Variants in TIAM2 observed in about 807,000 individuals in gnomAD.
The protein encoded by TIAM2 is rho guanine nucleotide exchange factor TIAM2.
In TIAM2, 80 loss-of-function variants were observed where a neutral mutation model predicts 152.9. That is an observed-to-expected ratio of 0.52 (90% confidence interval 0.44 to 0.63). The LOEUF (loss-of-function observed/expected upper bound fraction) is 0.63. TIAM2 is among the 30% of genes least tolerant of loss of function. The pLI is 0.00. For synonymous variants in TIAM2, 804 were observed against 838.0 expected, an observed-to-expected ratio of 0.96 and a Z score of 0.70; for missense variants, 1,965 against 2,120.1, an observed-to-expected ratio of 0.93 and a Z score of 1.44.
chr6:155,044,999 ATTTCTTTT>A (rs1468451693), intron 1 of TIAM2, among the ~76,000 whole-genome samples: 1 of 145,536 alleles, frequency 6.9e-6, no homozygotes, highest in Non-Finnish European at 1.5e-5. Context: ...TTTGTTTTAA[ATTTCTTTT>A]TTTCTTTTTC....
At chr6:155,128,785 G>T (rs1214600649) in intron 3 of TIAM2, among the ~76,000 whole-genome samples, 1 of 151,760 alleles carries the variant, frequency 6.6e-6, no homozygotes, top group Non-Finnish European at 1.5e-5. Flanking sequence ...AGGATCACTT[G>T]AGCCTAGGAA....
At chr6:155,089,218 C>T (rs762203537) in intron 1 of TIAM2, among the ~76,000 whole-genome samples, 88 of 131,560 alleles carry the variant, frequency 6.7e-4, no homozygotes, top group Non-Finnish European at 1.0e-3. Context: ...TGTTTTTTTT[C>T]GGGGGGGTGG....
chr6:155,080,966 G>C (rs1193758258), intron 1 of TIAM2, among the ~76,000 whole-genome samples: 1 of 152,142 alleles, frequency 6.6e-6, no homozygotes, highest in Non-Finnish European at 1.5e-5. Context: ...GGAGAGGTCT[G>C]TAGCACTCAC....
At chr6:155,061,207 GTCTA>G (rs1454851524) in intron 1 of TIAM2, among the ~76,000 whole-genome samples, 3 of 152,246 alleles carry the variant, frequency 2.0e-5, no homozygotes, top group African/African-American at 4.8e-5. Flanking sequence ...ATATCTGTGT[GTCTA>G]TCTCTCAATC....
chr6:155,084,403 A>G (rs1778134782), intron 1 of TIAM2, among the ~76,000 whole-genome samples: 1 of 152,252 alleles, frequency 6.6e-6, no homozygotes, highest in Non-Finnish European at 1.5e-5. Context: ...ATTGAATGTC[A>G]TTAACTAAAA....
chr6:155,164,175 G>C (rs1455242619), intron 7 of TIAM2, among the ~76,000 whole-genome samples: 1 of 121,882 alleles, frequency 8.2e-6, no homozygotes, highest in African/African-American at 2.9e-5. Flanking sequence ...GAGTTTCACT[G>C]TGTTGGTCAG....
intron 1 of TIAM2, among the ~76,000 whole-genome samples, chr6:155,050,364 G>A (rs1194541688): frequency 1.3e-5 from 2 of 152,152 alleles, no homozygotes; most frequent in African/African-American, 4.8e-5. Flanking sequence ...TTTGGAGCTG[G>A]TGCTGGCCTA....
intron 15 of TIAM2, among the ~76,000 whole-genome samples, chr6:155,212,488 T>G (rs1781745294): frequency 6.6e-6 from 1 of 152,244 alleles, no homozygotes; most frequent in African/African-American, 2.4e-5. Context: ...GTCTTCTGTA[T>G]TTGTTTTTGT....
chr6:155,137,076 A>G, intron 4 of TIAM2, 101 bp from the exon 5 acceptor site: 2 of 1,249,144 alleles, frequency 1.6e-6, no homozygotes, highest in Non-Finnish European at 2.2e-6. Flanking sequence ...GCTTTGCATT[A>G]CATTATCAGC....
intron 1 of TIAM2, among the ~76,000 whole-genome samples, chr6:155,053,087 A>G (rs982365993): frequency 2.0e-4 from 31 of 152,244 alleles, no homozygotes; most frequent in African/African-American, 6.5e-4. Context: ...TTTTTATGAT[A>G]TAATAGGATA....
At position 155,173,203 on chromosome 6, in the gene TIAM2, C is replaced by G. The variant is rs1021762944; in HGVS notation, c.2362-3613C>G. Among the ~76,000 whole-genome samples, 29 of 138,802 alleles carry G rather than the reference C, an allele frequency of 2.1e-4. No homozygotes were observed. The South Asian group carries it at 4.4e-3, about 21-fold the overall frequency. The allele number at this position is 138,802 out of a possible 152,430, so 91.1% of individuals were successfully genotyped here. A position where few individuals can be genotyped will look rare whatever the true frequency, so the allele number is the denominator to read the frequency against. On this transcript the variant is annotated intron_variant, in intron 9 of 26. Coordinates refer to ENST00000682666, the MANE Select transcript of TIAM2 (RefSeq NM_012454.4). ...TGTGTGTGTGTGTGTGTGTGTGTGT[C>G]TGTCTGTCTGTCTGCCTAACACACA... is the stretch of plus-strand genomic sequence containing the variant.
chr6:155,157,823 G>A lies in TIAM2; in HGVS notation c.2029-6592G>A, dbSNP rs145164924. Among the ~76,000 whole-genome samples, 431 of 152,246 alleles carry A rather than the reference G, an allele frequency of 2.8e-3. 2 individuals carry two copies. Among genetic ancestry groups the A allele is most frequent in the African/African-American group, 9.8e-3 (406 of 41,548 alleles). Reference sequence around the variant, plus strand: ...ACTAAACCAGGTGATGAATTGTTTTGTGTGGAATAGAATCCTTGATTTACT... The same window carrying A: ...ACTAAACCAGGTGATGAATTGTTTTATGTGGAATAGAATCCTTGATTTACT... On this transcript the variant is annotated intron_variant, in intron 7 of 26. Transcript: ENST00000682666.
rs1431057173 is a variant in TIAM2, at chr6:155,122,163, A to G, written c.-117-5327A>G. 7 of 152,238 alleles carry G rather than the reference A, an allele frequency of 4.6e-5. No individual in the cohort carries two copies. In the South Asian group the frequency reaches 1.4e-3, roughly 31 times the overall value. The allele number at this position is 152,238 out of a possible 1,614,324, so 9.4% of individuals were successfully genotyped here. ...GATGACAGTGGCTGTTGGGATTGTGATGGCATACTTAGGACATTCCTCCAC... is the reference window on the plus strand; with the variant it reads ...GATGACAGTGGCTGTTGGGATTGTGGTGGCATACTTAGGACATTCCTCCAC... On this transcript the variant is annotated intron_variant, in intron 2 of 26. Coordinates refer to ENST00000682666, the MANE Select transcript of TIAM2 (RefSeq NM_012454.4).
At chr6:155,240,300 T>C (rs999642640) in intron 15 of TIAM2, among the ~76,000 whole-genome samples, 3 of 152,252 alleles carry the variant, frequency 2.0e-5, no homozygotes, top group Admixed American at 6.5e-5. Context: ...GATGTGACAA[T>C]GGAGAGCCTC....
At chr6:155,032,945 C>T (rs929760166) in intron 1 of TIAM2, among the ~76,000 whole-genome samples, 2 of 152,184 alleles carry the variant, frequency 1.3e-5, no homozygotes, top group Non-Finnish European at 2.9e-5. Context: ...AATTTTCTGC[C>T]TTTAGTTGAA....
intron 10 of TIAM2, among the ~76,000 whole-genome samples, chr6:155,177,513 A>G (rs1780785662): frequency 6.6e-6 from 1 of 152,200 alleles, no homozygotes; most frequent in South Asian, 2.1e-4. Context: ...CCTCTGAGAG[A>G]GAATATATTC....
At chr6:155,025,051 G>C (rs994276371) in intron 1 of TIAM2, among the ~76,000 whole-genome samples, 3 of 152,076 alleles carry the variant, frequency 2.0e-5, no homozygotes, top group Non-Finnish European at 4.4e-5. Flanking sequence ...TTTAGAGACG[G>C]AGTCTGGCTC....
intron 14 of TIAM2, among the ~76,000 whole-genome samples, chr6:155,202,034 A>G (rs1052284899): frequency 2.0e-4 from 13 of 63,948 alleles, no homozygotes; most frequent in Non-Finnish European, 4.2e-4. Context: ...AGTCATAACA[A>G]TAAAAAAAAA....
At chr6:155,083,650 T>C (rs1013708880) in intron 1 of TIAM2, among the ~76,000 whole-genome samples, 11 of 152,346 alleles carry the variant, frequency 7.2e-5, no homozygotes, top group Admixed American at 7.2e-4. Flanking sequence ...GGAATTATTA[T>C]ATTGCTGTTC....
Sources: allele counts gnomAD v4.1 joint callset (sites outside exome capture counted in the v4.1 genomes callset), GRCh38; gene constraint gnomAD v4.1.1; transcripts MANE v1.5; gene names NCBI Gene and HGNC (gene_info 2026-07-23, HGNC 2026-07-21).